Variants in PDE3A observed in about 807,000 individuals in gnomAD.
The protein encoded by PDE3A is cGMP-inhibited 3',5'-cyclic phosphodiesterase 3A.
A neutral mutation model predicts 98.3 loss-of-function variants in PDE3A; 43 were observed. That is an observed-to-expected ratio of 0.44 (90% confidence interval 0.34 to 0.56). The LOEUF is 0.56. PDE3A is among the 20% of genes least tolerant of loss of function. The pLI, the probability that PDE3A is intolerant of heterozygous loss-of-function variation, is 0.01. For missense variants in PDE3A, 1,427 were observed against 1,440.7 expected, an observed-to-expected ratio of 0.99 and a Z score of 0.15; for synonymous variants, 663 against 567.9, an observed-to-expected ratio of 1.17 and a Z score of -2.38.
rs1023100023 is a variant in PDE3A at position 20,547,256 on chromosome 12, G to A, written c.961-9404G>A. 3.3e-5 allele frequency among the ~76,000 whole-genome samples: 5 copies of A among 151,946 alleles called. No homozygotes were observed. The East Asian group carries it at 7.7e-4, about 23-fold the overall frequency. On this transcript the variant is annotated intron_variant, in intron 1 of 15. Coordinates refer to ENST00000359062, the MANE Select transcript of PDE3A (RefSeq NM_000921.5). ...CATTACCCCCACTTGTTCTCCCTTC[G>A]TTTATTCTATTCTAAGCTTCTTTAT... is the stretch of plus-strand genomic sequence containing the variant.
intron 15 of PDE3A, among the ~76,000 whole-genome samples, chr12:20,664,449 G>T (rs1205483189): frequency 6.6e-6 from 1 of 152,082 alleles, no homozygotes; most frequent in African/African-American, 2.4e-5. Flanking sequence ...AGGTCTTCCA[G>T]ACACTTCATG....
intron 1 of PDE3A, among the ~76,000 whole-genome samples, chr12:20,520,126 A>G (rs1421679865): frequency 6.6e-6 from 1 of 152,170 alleles, no homozygotes; most frequent in African/African-American, 2.4e-5. Flanking sequence ...GAAAAATCCA[A>G]CGTGTTTGGT....
rs747580618 is a variant in PDE3A at position 20,682,336 on chromosome 12, G to C, written c.*2065G>C. Reference sequence around the variant, plus strand: ...ATTTCCAGTTTTTATTTTCTCTGACGTAGTAGAAAGGAATGTTTACATTAA... The same window carrying C: ...ATTTCCAGTTTTTATTTTCTCTGACCTAGTAGAAAGGAATGTTTACATTAA... On this transcript the variant is annotated 3_prime_UTR_variant, in exon 16 of 16. Coordinates refer to ENST00000359062, the MANE Select transcript of PDE3A (RefSeq NM_000921.5). 2 of 152,046 alleles carry C rather than the reference G, an allele frequency of 1.3e-5. No individual in the cohort carries two copies. Among genetic ancestry groups the C allele is most frequent in the Non-Finnish European group, 2.9e-5 (2 of 68,020 alleles). The allele number at this position is 152,046 out of a possible 1,614,324, so 9.4% of individuals were successfully genotyped here.
At chr12:20,548,418 T>C (rs1393450024) in intron 1 of PDE3A, among the ~76,000 whole-genome samples, 3 of 152,012 alleles carry the variant, frequency 2.0e-5, no homozygotes, top group African/African-American at 7.2e-5. Context: ...CAGAGGGTAT[T>C]TTTTATAGAT....
intron 2 of PDE3A, among the ~76,000 whole-genome samples, chr12:20,578,508 C>CACAT (rs144461743): frequency 0.019 from 2,774 of 149,516 alleles, 79 homozygotes; most frequent in African/African-American, 0.065. Context: ...CACACACACA[C>CACAT]GTAGTACTCA....
chr12:20,553,213 G>A (rs1194833705), intron 1 of PDE3A, among the ~76,000 whole-genome samples: 1 of 136,676 alleles, frequency 7.3e-6, no homozygotes, highest in Non-Finnish European at 1.6e-5. Context: ...CTGGCTAAAA[G>A]TTGGACTTCT....
intron 1 of PDE3A, among the ~76,000 whole-genome samples, chr12:20,483,880 T>C (rs1945675482): frequency 6.6e-6 from 1 of 152,192 alleles, no homozygotes. Flanking sequence ...ATTTAAAATG[T>C]GATTTTAAAA....
At chr12:20,399,729 G>T (rs1354395639) in intron 1 of PDE3A, among the ~76,000 whole-genome samples, 1 of 151,932 alleles carries the variant, frequency 6.6e-6, no homozygotes, top group Non-Finnish European at 1.5e-5. Context: ...GCTCTTTTTG[G>T]AACTAATGAA....
intron 1 of PDE3A, among the ~76,000 whole-genome samples, chr12:20,471,504 G>A (rs956838252): frequency 6.6e-6 from 1 of 152,104 alleles, no homozygotes; most frequent in East Asian, 1.9e-4. Flanking sequence ...TAGAAATACG[G>A]AGTCCAATCA....
At chr12:20,673,953 T>A (rs1049376033) in intron 15 of PDE3A, among the ~76,000 whole-genome samples, 1 of 152,180 alleles carries the variant, frequency 6.6e-6, no homozygotes, top group Non-Finnish European at 1.5e-5. Flanking sequence ...TTCAGATCCA[T>A]GATCATGGGA....
intron 1 of PDE3A, among the ~76,000 whole-genome samples, chr12:20,438,961 T>G (rs1323064968): frequency 1.3e-5 from 2 of 151,904 alleles, no homozygotes; most frequent in Admixed American, 1.3e-4. Context: ...CTGGCTAATT[T>G]TTTTTGTGTT....
intron 1 of PDE3A, among the ~76,000 whole-genome samples, chr12:20,528,667 A>G (rs1241796729): frequency 6.6e-6 from 1 of 152,198 alleles, no homozygotes; most frequent in Non-Finnish European, 1.5e-5. Flanking sequence ...TGGGATTTTA[A>G]TTAACATCTG....
At chr12:20,558,617 A>C (rs928174349) in intron 2 of PDE3A, among the ~76,000 whole-genome samples, 3 of 151,736 alleles carry the variant, frequency 2.0e-5, no homozygotes, top group Middle Eastern at 3.2e-3. Flanking sequence ...ATTTCCAAAG[A>C]ATTTGGAAAT....
chr12:20,640,873 G>A (rs892766159), intron 10 of PDE3A, among the ~76,000 whole-genome samples: 15 of 152,050 alleles, frequency 9.9e-5, no homozygotes, highest in African/African-American at 2.9e-4. Flanking sequence ...TATATTGATC[G>A]GAACATGTCT....
At chr12:20,516,371 G>T (rs1337138148) in intron 1 of PDE3A, among the ~76,000 whole-genome samples, 2 of 152,204 alleles carry the variant, frequency 1.3e-5, no homozygotes, top group East Asian at 1.9e-4. Context: ...ACATGTAAAA[G>T]AAAAATAGAT....
chr12:20,549,363 G>T (rs1011726971), intron 1 of PDE3A, among the ~76,000 whole-genome samples: 3 of 145,984 alleles, frequency 2.1e-5, no homozygotes, highest in South Asian at 2.2e-4. Flanking sequence ...CTGACACTAT[G>T]CAGTCCCTAC....
At chr12:20,615,839 C>T (rs1288916206) in intron 3 of PDE3A, among the ~76,000 whole-genome samples, 1 of 152,034 alleles carries the variant, frequency 6.6e-6, no homozygotes, top group East Asian at 1.9e-4. Context: ...GACTCTCCTG[C>T]CTCAGCCTCC....
chr12:20,536,413 A>T (rs1163311596), intron 1 of PDE3A, among the ~76,000 whole-genome samples: 6 of 151,970 alleles, frequency 3.9e-5, no homozygotes, highest in Non-Finnish European at 7.4e-5. Context: ...TATCCACTTA[A>T]AGTATACAAT....
At chr12:20,604,812 A>G (rs2121421301) in intron 2 of PDE3A, among the ~76,000 whole-genome samples, 1 of 152,310 alleles carries the variant, frequency 6.6e-6, no homozygotes, top group African/African-American at 2.4e-5. Context: ...GTTTCTCTCA[A>G]GTATGTGTCC....
Sources: gnomAD v4.1 joint callset for allele counts (sites outside exome capture counted in the v4.1 genomes callset) on GRCh38, gnomAD v4.1.1 for gene constraint, MANE v1.5 for transcripts, NCBI Gene and HGNC (gene_info 2026-07-23, HGNC 2026-07-21) for gene names.